Variants in LOC128092252 observed in about 807,000 individuals in gnomAD.
the LOC128092252 span, among the ~76,000 whole-genome samples, chr15:50,673,364 C>G: frequency 1.3e-5 from 2 of 152,100 alleles, no homozygotes; most frequent in Admixed American, 6.6e-5. Flanking sequence ...TTGGTGCACC[C>G]ATTGCCCGAC....
the LOC128092252 span, among the ~76,000 whole-genome samples, chr15:50,659,097 C>T: frequency 6.6e-6 from 1 of 151,666 alleles, no homozygotes; most frequent in Admixed American, 6.6e-5. Context: ...ACTCGGGAGG[C>T]TGAGGAAAGA....
At chr15:50,667,178 A>G in the LOC128092252 span, among the ~76,000 whole-genome samples, 2 of 152,104 alleles carry the variant, frequency 1.3e-5, no homozygotes, top group Non-Finnish European at 2.9e-5. Context: ...AGCTCTCTGC[A>G]TGTCTGGATC....
At chr15:50,648,959 T>A in the LOC128092252 span, 1 of 1,180,926 alleles carries the variant, frequency 8.5e-7, no homozygotes, top group Non-Finnish European at 1.2e-6. Context: ...TAAAAGTGAA[T>A]GAACCGACAA....
the LOC128092252 span, among the ~76,000 whole-genome samples, chr15:50,651,874 A>G: frequency 6.6e-6 from 1 of 152,122 alleles, no homozygotes; most frequent in Admixed American, 6.6e-5. Flanking sequence ...GCGACGGAGC[A>G]AGATTCCTTC....
the LOC128092252 span, among the ~76,000 whole-genome samples, chr15:50,673,586 G>A: frequency 6.6e-4 from 101 of 152,068 alleles, 1 homozygote; most frequent in Non-Finnish European, 2.2e-4. Context: ...CCAGGTCACT[G>A]TGAATGCCAT....
chr15:50,657,913 T>G, the LOC128092252 span: 9 of 889,120 alleles, frequency 1.0e-5, no homozygotes, highest in Non-Finnish European at 1.6e-5. Flanking sequence ...ACAAAAAAAA[T>G]TATATACCTA....
At chr15:50,663,129 A>G in the LOC128092252 span, 1 of 1,088,000 alleles carries the variant, frequency 9.2e-7, no homozygotes, top group East Asian at 2.5e-5. Context: ...ACACATAAAC[A>G]GTTCTTTTTT....
the LOC128092252 span, among the ~76,000 whole-genome samples, chr15:50,663,662 A>G: frequency 6.6e-6 from 1 of 152,202 alleles, no homozygotes. Context: ...ATTCTGGGAT[A>G]TGAGCCATTT....
chr15:50,685,973 C>T, the LOC128092252 span, among the ~76,000 whole-genome samples: 1 of 152,206 alleles, frequency 6.6e-6, no homozygotes, highest in Non-Finnish European at 1.5e-5. Context: ...TCAAATCCCT[C>T]CCTTTTGGTT....
chr15:50,684,003 G>A, the LOC128092252 span, among the ~76,000 whole-genome samples: 1 of 151,676 alleles, frequency 6.6e-6, no homozygotes, highest in Non-Finnish European at 1.5e-5. Flanking sequence ...GGGATTACAG[G>A]TGCCCATCAC....
chr15:50,656,747 C>T, the LOC128092252 span, among the ~76,000 whole-genome samples: 1 of 152,110 alleles, frequency 6.6e-6, no homozygotes, highest in South Asian at 2.1e-4. Context: ...CAGAGACCTT[C>T]TCTTCTTCCT....
At chr15:50,652,046 G>A in the LOC128092252 span, among the ~76,000 whole-genome samples, 1 of 151,020 alleles carries the variant, frequency 6.6e-6, no homozygotes, top group East Asian at 2.0e-4. Context: ...AAAGAAAACA[G>A]AATGGGCCGG....
chr15:50,680,132 G>A, the LOC128092252 span, among the ~76,000 whole-genome samples: 1 of 152,056 alleles, frequency 6.6e-6, no homozygotes, highest in African/African-American at 2.4e-5. Context: ...TACTCGGGAG[G>A]CTGACAGAGG....
chr15:50,683,032 A>G, the LOC128092252 span, among the ~76,000 whole-genome samples: 1 of 151,896 alleles, frequency 6.6e-6, no homozygotes, highest in East Asian at 1.9e-4. Context: ...ACAGGTGCGC[A>G]TCACCATGCC....
At chr15:50,673,828 G>C in the LOC128092252 span, among the ~76,000 whole-genome samples, 27,656 of 152,056 alleles carry the variant, frequency 0.18, 3,255 homozygotes, top group East Asian at 0.47. Context: ...GTATCCTAAG[G>C]AATCTCCACA....
the LOC128092252 span, among the ~76,000 whole-genome samples, chr15:50,665,564 A>G: frequency 6.6e-6 from 1 of 152,210 alleles, no homozygotes; most frequent in South Asian, 2.1e-4. Context: ...TGAGGATCCA[A>G]TAAAAATTCA....
the LOC128092252 span, among the ~76,000 whole-genome samples, chr15:50,665,392 C>G: frequency 6.6e-5 from 8 of 120,450 alleles, no homozygotes; most frequent in African/African-American, 2.1e-4. Flanking sequence ...AAAACTCTGT[C>G]TAAAAAAAAA....
the LOC128092252 span, among the ~76,000 whole-genome samples, chr15:50,656,022 C>A: frequency 0.03 from 4,496 of 150,294 alleles, 247 homozygotes; most frequent in African/African-American, 0.1. Flanking sequence ...AAAAAAAAAA[C>A]CCCTGCTGCA....
chr15:50,667,254 T>C, the LOC128092252 span, among the ~76,000 whole-genome samples: 1 of 152,162 alleles, frequency 6.6e-6, no homozygotes, highest in Non-Finnish European at 1.5e-5. Flanking sequence ...ACTGAACGCT[T>C]TCCTCGCCCT....
Sources: allele counts gnomAD v4.1 joint callset (sites outside exome capture counted in the v4.1 genomes callset), GRCh38; gene constraint gnomAD v4.1.1; transcripts MANE v1.5.